RFX4: variants seen among roughly 807,000 people sequenced by gnomAD.
RFX4 encodes regulatory factor X4, also known as transcription factor RFX4.
Under a neutral mutation model 95.0 loss-of-function variants are expected in RFX4, and 10 were observed. The observed-to-expected ratio is 0.11, with a 90% CI of 0.06 to 0.18. RFX4 has a LOEUF of 0.18. RFX4 is among the 10% of genes least tolerant of loss of function. The probability of loss-of-function intolerance (pLI) is 1.00; values close to 1 mark genes in which losing one functional copy is unlikely to be tolerated. For synonymous variants in RFX4, 321 were observed against 340.7 expected, an observed-to-expected ratio of 0.94 and a Z score of 0.64; for missense variants, 640 against 922.0, an observed-to-expected ratio of 0.69 and a Z score of 3.96.
Position 106,747,561 on chromosome 12 carries a change from A to C in RFX4, c.1758A>C (p.Thr586=). Residue 586 remains threonine, a synonymous_variant, in exon 16 of 18, where the codon ACA becomes ACC. Coordinates refer to ENST00000392842, the MANE Select transcript of RFX4 (RefSeq NM_213594.3). ...RNTHVPSSSV[T]HRIPVYPHRE... ...CTCATGTGCCTTCTTCCTCCGTCAC[A>C]CACAGGATACCAGTTTATCCCCACA... is the stretch of plus-strand genomic sequence containing the variant. The C allele has an allele frequency of 6.2e-7, 1 of 1,614,076 alleles. No individual in the cohort carries two copies. The highest frequency in any genetic ancestry group is 2.2e-5 in the East Asian group (1 of 44,876).
At chr12:106,700,983 C>T (rs1456979421) in intron 8 of RFX4, among the ~76,000 whole-genome samples, 1 of 152,134 alleles carries the variant, frequency 6.6e-6, no homozygotes, top group Non-Finnish European at 1.5e-5. Context: ...TTGTGTATAT[C>T]CAACTCATCG....
intron 2 of RFX4, among the ~76,000 whole-genome samples, chr12:106,624,541 A>G (rs1241529863): frequency 1.3e-5 from 2 of 151,750 alleles, no homozygotes; most frequent in East Asian, 3.9e-4. Context: ...GTTGGCCAGG[A>G]TGGTCTCAAT....
At chr12:106,633,989 A>T (rs1435729265) in intron 2 of RFX4, among the ~76,000 whole-genome samples, 1 of 152,168 alleles carries the variant, frequency 6.6e-6, no homozygotes, top group Non-Finnish European at 1.5e-5. Context: ...CAGGTTACAA[A>T]CTAGGATGGA....
chr12:106,700,335 A>T, intron 8 of RFX4, among the ~76,000 whole-genome samples: 1 of 144,942 alleles, frequency 6.9e-6, no homozygotes, highest in East Asian at 2.1e-4. Context: ...CCTGGCCATG[A>T]TTGTCTTTTT....
intron 2 of RFX4, among the ~76,000 whole-genome samples, chr12:106,622,652 T>C (rs2040208689): frequency 6.7e-6 from 1 of 149,360 alleles, no homozygotes; most frequent in Non-Finnish European, 1.5e-5. Flanking sequence ...AGACAGAGTC[T>C]AGCTCACTCT....
chr12:106,726,614 T>G (rs992418327), intron 13 of RFX4, among the ~76,000 whole-genome samples: 1 of 152,246 alleles, frequency 6.6e-6, no homozygotes, highest in African/African-American at 2.4e-5. Flanking sequence ...TATTTTTACC[T>G]AGAACTTATT....
At chr12:106,661,343 G>A (rs1187576075) in intron 4 of RFX4, among the ~76,000 whole-genome samples, 1 of 152,194 alleles carries the variant, frequency 6.6e-6, no homozygotes, top group East Asian at 1.9e-4. Flanking sequence ...CGCATACTCT[G>A]TGAATGAGAT....
At chr12:106,592,587 T>G (rs967553954) in intron 1 of RFX4, among the ~76,000 whole-genome samples, 1 of 152,102 alleles carries the variant, frequency 6.6e-6, no homozygotes, top group African/African-American at 2.4e-5. Flanking sequence ...ATGGCCCACA[T>G]TTTTCATGCC....
intron 3 of RFX4, among the ~76,000 whole-genome samples, chr12:106,641,301 G>T (rs186114421): frequency 6.6e-6 from 1 of 152,334 alleles, no homozygotes; most frequent in African/African-American, 2.4e-5. Flanking sequence ...TCTTGGGCAA[G>T]GTCCTTAACC....
chr12:106,698,545 T>C (rs765948368), intron 8 of RFX4, among the ~76,000 whole-genome samples: 1 of 152,218 alleles, frequency 6.6e-6, no homozygotes, highest in Admixed American at 6.5e-5. Context: ...ATTGTTAATA[T>C]TTTGTTCAGA....
chr12:106,614,963 T>A (rs1386675907), intron 2 of RFX4, among the ~76,000 whole-genome samples: 1 of 152,230 alleles, frequency 6.6e-6, no homozygotes, highest in Non-Finnish European at 1.5e-5. Flanking sequence ...ATTCTCATAA[T>A]AACTTTTATG....
At chr12:106,735,941 C>A (rs10507213) in intron 15 of RFX4, among the ~76,000 whole-genome samples, 31,168 of 152,084 alleles carry the variant, frequency 0.2, 3,507 homozygotes, top group South Asian at 0.28. Context: ...GAAGACCTCA[C>A]AAAGATTCCA....
In RFX4 at chr12:106,610,803, G is replaced by A. The variant is rs1197625101; in HGVS notation, c.130+1920G>A. Reference sequence around the variant, plus strand: ...CATACAAATATCTTTTCAAGTCTCTGCTCCTAATTCTTTTGGCGGTATATA... The same window carrying A: ...CATACAAATATCTTTTCAAGTCTCTACTCCTAATTCTTTTGGCGGTATATA... On this transcript the variant is annotated intron_variant, in intron 2 of 17. Transcript: ENST00000392842. Among the ~76,000 whole-genome samples the A allele has an allele frequency of 2.0e-5, 3 of 152,114 alleles. No individual in the cohort carries two copies. In the East Asian group the frequency reaches 5.8e-4, roughly 29 times the overall value.
Position 106,747,539 on chromosome 12 carries a change from A to G in RFX4, c.1736A>G (p.His579Arg). The G allele has an allele frequency of 6.2e-7, 1 of 1,614,164 alleles. No homozygotes were observed. Among genetic ancestry groups the G allele is most frequent in the Non-Finnish European group, 8.5e-7 (1 of 1,180,028 alleles). Residue 579 changes from histidine (H) to arginine (R), a missense_variant, in exon 16 of 18, where the codon CAT (histidine) becomes CGT (arginine). This residue lies in a region of RFX4 where 300 missense variants were observed against 346.8 expected (regional missense o/e 0.87). Transcript: ENST00000392842. ...SQQLPCMRNT[H>R]VPSSSVTHRI... ...CAGCTGCCCTGTATGAGGAACACTC[A>G]TGTGCCTTCTTCCTCCGTCACACAC... is the stretch of plus-strand genomic sequence containing the variant.
intron 2 of RFX4, among the ~76,000 whole-genome samples, chr12:106,635,868 C>T (rs2040500603): frequency 6.6e-6 from 1 of 152,144 alleles, no homozygotes; most frequent in African/African-American, 2.4e-5. Context: ...TAAGGAGTGC[C>T]TCATTATTTG....
chr12:106,646,183 C>T (rs11113066), intron 3 of RFX4, among the ~76,000 whole-genome samples: 12,206 of 151,910 alleles, frequency 0.08, 614 homozygotes, highest in East Asian at 0.26. Context: ...GGGGCACATA[C>T]GAAGATGTTC....
At chr12:106,714,513 A>G (rs2042253186) in intron 10 of RFX4, among the ~76,000 whole-genome samples, 1 of 152,212 alleles carries the variant, frequency 6.6e-6, no homozygotes, top group African/African-American at 2.4e-5. Context: ...ATTTACATGC[A>G]TTAGGAGACT....
intron 3 of RFX4, among the ~76,000 whole-genome samples, chr12:106,653,796 G>A (rs1009944460): frequency 6.6e-6 from 1 of 152,234 alleles, no homozygotes; most frequent in African/African-American, 2.4e-5. Context: ...CAGCCAAGGA[G>A]CTCCAAGATG....
chr12:106,725,913 C>G (rs1159675381), intron 13 of RFX4, among the ~76,000 whole-genome samples: 1 of 151,942 alleles, frequency 6.6e-6, no homozygotes, highest in Admixed American at 6.6e-5. Flanking sequence ...AATCTTTAGT[C>G]TATGAAAATA....
Sources: gnomAD v4.1 joint callset for allele counts (sites outside exome capture counted in the v4.1 genomes callset) on GRCh38, gnomAD v4.1.1 for gene constraint, gnomAD v4.1.1 regional missense constraint, MANE v1.5 for transcripts, NCBI Gene and HGNC (gene_info 2026-07-23, HGNC 2026-07-21) for gene names.